Variants in GLS observed in about 807,000 individuals in gnomAD.
GLS encodes the protein glutaminase kidney isoform, mitochondrial.
In GLS, 36 loss-of-function variants were observed where a neutral mutation model predicts 86.7. That is an observed-to-expected ratio of 0.42 (90% confidence interval 0.32 to 0.55). GLS has a LOEUF of 0.55. Among genes scored for constraint, GLS ranks in the 20% least tolerant of loss-of-function variants. GLS has a pLI of 0.17. For synonymous variants in GLS, 317 were observed against 305.9 expected (o/e 1.04, Z -0.38); for missense variants, 528 against 833.4 (o/e 0.63, Z 4.51).
chr2:190,933,873 GGTAGTAA>G (rs1344277106), intron 14 of GLS: 34 of 881,402 alleles, frequency 3.9e-5, no homozygotes, highest in Non-Finnish European at 4.5e-5. Flanking sequence ...TTAGTCTGCA[GGTAGTAA>G]GTATGCTACT....
intron 5 of GLS, among the ~76,000 whole-genome samples, chr2:190,902,645 A>G (rs1688985869): frequency 6.6e-6 from 1 of 152,216 alleles, no homozygotes; most frequent in African/African-American, 2.4e-5. Flanking sequence ...TCAAAGAATT[A>G]AGAGAGGCCC....
chr2:190,952,589 G>A (rs1418029854), intron 14 of GLS, among the ~76,000 whole-genome samples: 1 of 152,170 alleles, frequency 6.6e-6, no homozygotes, highest in African/African-American at 2.4e-5. Flanking sequence ...GAGAATGTCC[G>A]GGTTAAGATC....
intron 1 of GLS, among the ~76,000 whole-genome samples, chr2:190,889,778 C>T (rs1277305158): frequency 6.6e-6 from 1 of 152,046 alleles, no homozygotes; most frequent in Non-Finnish European, 1.5e-5. Flanking sequence ...GGCAGCCTGA[C>T]CATTTCCTCA....
chr2:190,885,722 A>G (rs1447859551), intron 1 of GLS, among the ~76,000 whole-genome samples: 1 of 152,190 alleles, frequency 6.6e-6, no homozygotes. Flanking sequence ...AATTCACTTA[A>G]GCTAAAATCA....
At chr2:190,945,673 AAAAG>A (rs112220351) in intron 14 of GLS, among the ~76,000 whole-genome samples, 1 of 152,002 alleles carries the variant, frequency 6.6e-6, no homozygotes, top group African/African-American at 2.4e-5. Context: ...TCAAAAAAAA[AAAAG>A]AAAAAAAAAT....
At chr2:190,881,516 C>T in intron 1 of GLS, 46 bp downstream of exon 1, 1 of 1,517,088 alleles carries the variant, frequency 6.6e-7, no homozygotes, top group Non-Finnish European at 8.9e-7. Context: ...CTTTCGGGGC[C>T]CGGGCTCAGG....
At chr2:190,907,303 G>A (rs1438581222) in intron 6 of GLS, among the ~76,000 whole-genome samples, 3 of 149,310 alleles carry the variant, frequency 2.0e-5, no homozygotes, top group Non-Finnish European at 4.4e-5. Context: ...GTGCAGTGGC[G>A]CAATCTCGGC....
intron 5 of GLS, among the ~76,000 whole-genome samples, chr2:190,903,621 C>T (rs188397825): frequency 6.6e-6 from 1 of 152,238 alleles, no homozygotes; most frequent in East Asian, 1.9e-4. Flanking sequence ...TGATTTTTCT[C>T]TTCTTAAACA....
Position 190,913,450 on chromosome 2 carries a change from CTT to C in GLS, c.1038+3133_1038+3134del, listed in dbSNP as rs1483527312. On this transcript the variant is annotated intron_variant, in intron 7 of 17. Coordinates refer to ENST00000320717, the MANE Select transcript of GLS (RefSeq NM_014905.5). The surrounding 1 kb of genome is among the most constrained non-coding windows in gnomAD (Gnocchi z 6.1). ...ATCATAAGGGTATTATACTTCCTCT[CTT>C]TTTCTCTGTGGTAGCTACTAACTTT... The C allele has an allele frequency of 1.6e-5, 14 of 903,198 alleles. No homozygotes were observed. The highest frequency in any genetic ancestry group is 6.8e-6 in the Non-Finnish European group (5 of 737,186). 55.9% of individuals were successfully genotyped at this position (903,198 alleles called of 1,614,324 possible). A position where few individuals can be genotyped will look rare whatever the true frequency, so the allele number is the denominator to read the frequency against.
At chr2:190,916,818 A>G (rs1397640506) in intron 7 of GLS, among the ~76,000 whole-genome samples, 2 of 152,162 alleles carry the variant, frequency 1.3e-5, no homozygotes, top group Non-Finnish European at 2.9e-5. Flanking sequence ...TTGTGTTTAT[A>G]CTATAGTAAG....
intron 12 of GLS, among the ~76,000 whole-genome samples, chr2:190,929,854 AT>A (rs1010498110): frequency 9.8e-5 from 14 of 142,256 alleles, no homozygotes; most frequent in Non-Finnish European, 1.7e-4. Context: ...ATATATATAT[AT>A]TTTTTTTTTC....
intron 14 of GLS, among the ~76,000 whole-genome samples, chr2:190,941,144 A>C (rs560634656): frequency 6.6e-6 from 1 of 152,178 alleles, no homozygotes; most frequent in Non-Finnish European, 1.5e-5. Flanking sequence ...TAGGATATGC[A>C]GTGAGTGGTT....
At chr2:190,959,712 C>T (rs1250604688) in intron 17 of GLS, among the ~76,000 whole-genome samples, 1 of 152,142 alleles carries the variant, frequency 6.6e-6, no homozygotes, top group African/African-American at 2.4e-5. Context: ...AGGGATTCGA[C>T]ATTTATGCAG....
chr2:190,899,143 A>G (rs889333102), intron 3 of GLS, among the ~76,000 whole-genome samples: 21 of 152,230 alleles, frequency 1.4e-4, no homozygotes, highest in African/African-American at 4.6e-4. Context: ...ATCTCTTGCA[A>G]CTCTGATACT....
chr2:190,885,839 T>C (rs1012197721), intron 1 of GLS, among the ~76,000 whole-genome samples: 12 of 151,910 alleles, frequency 7.9e-5, no homozygotes, highest in African/African-American at 2.9e-4. Context: ...TGATTATCAG[T>C]GAGTTTTAGT....
At chr2:190,919,471 A>G (rs561225243) in intron 7 of GLS, among the ~76,000 whole-genome samples, 2 of 152,136 alleles carry the variant, frequency 1.3e-5, no homozygotes, top group African/African-American at 2.4e-5. Flanking sequence ...GAAGTTCAAC[A>G]TAACTTGTTT....
chr2:190,935,207 T>A lies in GLS; in HGVS notation c.1650+3570T>A. ...AAACATTTGTGTTGTTTAGCTTTCA[T>A]TTGCTTTGTATATTTAATAATGTAC... On this transcript the variant is annotated intron_variant, in intron 14 of 17. Transcript: ENST00000320717. The surrounding 1 kb of genome is among the most constrained non-coding windows in gnomAD (Gnocchi z 4.2). 1 of 863,510 alleles carries A rather than the reference T, an allele frequency of 1.2e-6. No individual in the cohort carries two copies. Among genetic ancestry groups the A allele is most frequent in the Non-Finnish European group, 1.4e-6 (1 of 718,988 alleles). 53.5% of individuals were successfully genotyped at this position (863,510 alleles called of 1,614,324 possible).
rs988390846 is a variant in GLS at position 190,913,982 on chromosome 2, G to A, written c.1038+3661G>A. 1.3e-5 allele frequency among the ~76,000 whole-genome samples: 2 copies of A among 151,946 alleles called. No individual in the cohort carries two copies. Among genetic ancestry groups the A allele is most frequent in the African/African-American group, 4.8e-5 (2 of 41,376 alleles). On this transcript the variant is annotated intron_variant, in intron 7 of 17. Transcript: ENST00000320717. The surrounding 1 kb of genome is among the most constrained non-coding windows in gnomAD (Gnocchi z 6.1). The stretch of plus-strand genomic sequence containing the variant: ...GCAGGGCTAATTCTTTATAAAGCTA[G>A]GGTCTTGCCATATTGCCCAGGCTGG...
At position 190,949,659 on chromosome 2, in the gene GLS, T is replaced by TGGAGTGG. The variant is rs1214423766; in HGVS notation, c.1651-3906_1651-3905insGGAGTGG. Among the ~76,000 whole-genome samples the TGGAGTGG allele has an allele frequency of 1.3e-5, 2 of 152,216 alleles. No individual in the cohort carries two copies. The highest frequency in any genetic ancestry group is 3.9e-4 in the East Asian group (2 of 5,178). ...ATGAGCCGAGATCTTGCCACTGCAC[T>TGGAGTGG]CCAGCCTGGGTGACAGAGCGAGACC... is the stretch of plus-strand genomic sequence containing the variant. On this transcript the variant is annotated intron_variant, in intron 14 of 17. Transcript: ENST00000320717. This position sits in a 1 kb window ranked among gnomAD's most constrained non-coding sequence, Gnocchi z 4.0.
Sources: allele counts gnomAD v4.1 joint callset (sites outside exome capture counted in the v4.1 genomes callset), GRCh38; gene constraint gnomAD v4.1.1; non-coding constraint Gnocchi (gnomAD v3.1); transcripts MANE v1.5; gene names NCBI Gene and HGNC (gene_info 2026-07-23, HGNC 2026-07-21).